The following LGR5 variants were observed in gnomAD, a reference collection of about 807,000 sequenced individuals.
LGR5 encodes leucine-rich repeat-containing G protein-coupled receptor 5.
A neutral mutation model predicts 76.7 loss-of-function variants in LGR5; 54 were observed. The observed-to-expected ratio is 0.70, with a 90% CI of 0.57 to 0.88. The LOEUF (loss-of-function observed/expected upper bound fraction) is 0.88. Ranked by LOEUF, LGR5 falls within the 40% of genes least tolerant of loss-of-function variation. The probability of loss-of-function intolerance (pLI) is 0.00; values close to 1 mark genes in which losing one functional copy is unlikely to be tolerated. For synonymous variants in LGR5, 406 were observed against 421.9 expected (o/e 0.96, Z 0.46); for missense variants, 1,078 against 1,073.3 (o/e 1.00, Z -0.06).
chr12:71,568,106 G>C (rs549712605), intron 11 of LGR5, among the ~76,000 whole-genome samples: 1 of 152,242 alleles, frequency 6.6e-6, no homozygotes, highest in African/African-American at 2.4e-5. Context: ...TATATGATTA[G>C]GATTTTACAT....
chr12:71,529,818 T>C (rs1455756856), intron 3 of LGR5, among the ~76,000 whole-genome samples: 1 of 151,960 alleles, frequency 6.6e-6, no homozygotes, highest in Non-Finnish European at 1.5e-5. Flanking sequence ...TAGCTAGGTG[T>C]CATGGTGCAC....
chr12:71,531,040 A>G (rs989359170), intron 3 of LGR5, among the ~76,000 whole-genome samples: 1 of 151,118 alleles, frequency 6.6e-6, no homozygotes, highest in Non-Finnish European at 1.5e-5. Flanking sequence ...AAAATTGTGT[A>G]GAGTAGCATG....
At chr12:71,457,756 G>T (rs1872543601) in intron 1 of LGR5, among the ~76,000 whole-genome samples, 1 of 152,114 alleles carries the variant, frequency 6.6e-6, no homozygotes, top group Non-Finnish European at 1.5e-5. Flanking sequence ...CTAAAGCATT[G>T]TTGGTTTTTC....
chr12:71,516,628 T>A (rs1035505809), intron 2 of LGR5, among the ~76,000 whole-genome samples: 4 of 152,162 alleles, frequency 2.6e-5, no homozygotes, highest in Admixed American at 6.5e-5. Flanking sequence ...CTACAAAATA[T>A]AAAATAAAAT....
intron 1 of LGR5, among the ~76,000 whole-genome samples, chr12:71,483,516 C>T (rs1565680387): frequency 6.6e-6 from 1 of 152,118 alleles, no homozygotes; most frequent in Non-Finnish European, 1.5e-5. Flanking sequence ...AATGATCACA[C>T]AAAGAACCTG....
chr12:71,536,116 C>T (rs761983682), intron 4 of LGR5, among the ~76,000 whole-genome samples: 1 of 152,138 alleles, frequency 6.6e-6, no homozygotes, highest in Non-Finnish European at 1.5e-5. Flanking sequence ...TGGAGATGCA[C>T]ATCTGCCAAA....
At chr12:71,502,687 C>T (rs919494017) in intron 1 of LGR5, among the ~76,000 whole-genome samples, 1 of 152,216 alleles carries the variant, frequency 6.6e-6, no homozygotes, top group African/African-American at 2.4e-5. Flanking sequence ...CCAAGATGCT[C>T]TTCTCAGGCT....
chr12:71,584,270 G>C lies in LGR5; in HGVS notation c.2260G>C (p.Gly754Arg). 1.2e-6 allele frequency: 2 copies of C among 1,614,156 alleles called. No homozygotes were observed. The highest frequency in any genetic ancestry group is 1.7e-6 in the Non-Finnish European group (2 of 1,180,014). The change falls in exon 18 of 18, where the codon GGA becomes CGA. Residue 754 changes from glycine to arginine, a missense_variant. Gly to Arg is a moderately radical substitution (Grantham distance 125). Coordinates refer to ENST00000266674, the MANE Select transcript of LGR5 (RefSeq NM_003667.4). ...YTKLYCNLDK[G>R]DLENIWDCSM... The stretch of plus-strand genomic sequence containing the variant: ...CAAGCTCTACTGCAATTTGGACAAG[G>C]GAGACCTGGAGAATATTTGGGACTG...
intron 2 of LGR5, among the ~76,000 whole-genome samples, chr12:71,514,034 C>T (rs917472571): frequency 6.6e-6 from 1 of 152,122 alleles, no homozygotes; most frequent in South Asian, 2.1e-4. Flanking sequence ...GTAGTCCCAG[C>T]TACCAGAGAG....
intron 13 of LGR5, among the ~76,000 whole-genome samples, chr12:71,575,722 A>ATATATGTG (rs1555176199): frequency 4.8e-5 from 7 of 144,760 alleles, no homozygotes; most frequent in African/African-American, 1.8e-4. Flanking sequence ...AAAAATATAT[A>ATATATGTG]TGTGTGTGTG....
chr12:71,542,821 CA>C (rs1349043379), intron 4 of LGR5, among the ~76,000 whole-genome samples: 1 of 150,430 alleles, frequency 6.6e-6, no homozygotes, highest in Admixed American at 6.6e-5. Context: ...TGAGGAGGAA[CA>C]ACTAAGTAGA....
Position 71,584,670 on chromosome 12 carries a change from C to A in LGR5, c.2660C>A (p.Ser887Ter). The stretch of plus-strand genomic sequence containing the variant: ...GACCTGCCTCCCAGTTCCGTGCCAT[C>A]ACCAGCTTATCCAGTGACTGAGAGC... Reference protein sequence around the residue: ...TYDLPPSSVPSPAYPVTESCH... With the variant: ...TYDLPPSSVP The change falls in exon 18 of 18, where the codon TCA becomes TAA. Residue 887 changes from serine (S) to a stop codon, truncating the protein, a stop_gained. Coordinates refer to ENST00000266674, the MANE Select transcript of LGR5 (RefSeq NM_003667.4). LOFTEE classifies it high-confidence loss of function. The A allele has an allele frequency of 3.1e-6, 5 of 1,614,184 alleles. No homozygotes were observed. The highest frequency in any genetic ancestry group is 4.2e-6 in the Non-Finnish European group (5 of 1,179,988).
intron 1 of LGR5, among the ~76,000 whole-genome samples, chr12:71,475,595 C>T (rs1004761204): frequency 1.3e-5 from 2 of 152,224 alleles, no homozygotes; most frequent in East Asian, 1.9e-4. Context: ...TGCTGCGACG[C>T]TCTTGTACAT....
intron 2 of LGR5, among the ~76,000 whole-genome samples, chr12:71,510,502 C>T (rs1246142089): frequency 1.3e-5 from 2 of 152,180 alleles, no homozygotes; most frequent in Non-Finnish European, 2.9e-5. Context: ...TTCCACTTAA[C>T]TTTATTGTCT....
intron 1 of LGR5, among the ~76,000 whole-genome samples, chr12:71,468,964 A>G (rs1324883309): frequency 1.3e-5 from 2 of 152,164 alleles, no homozygotes; most frequent in African/African-American, 2.4e-5. Flanking sequence ...TAGCCCCCCA[A>G]ATATTAAAAG....
At chr12:71,563,752 A>G (rs1161534336) in intron 8 of LGR5, among the ~76,000 whole-genome samples, 1 of 152,122 alleles carries the variant, frequency 6.6e-6, no homozygotes, top group Non-Finnish European at 1.5e-5. Context: ...TCTCCCGAAC[A>G]TATGAGAGAG....
At chr12:71,446,212 C>T (rs1256958027) in intron 1 of LGR5, among the ~76,000 whole-genome samples, 3 of 152,180 alleles carry the variant, frequency 2.0e-5, no homozygotes, top group Non-Finnish European at 4.4e-5. Flanking sequence ...TACTAGTCCG[C>T]AAGTACAAAC....
chr12:71,565,383 A>T (rs1165622597), intron 8 of LGR5, among the ~76,000 whole-genome samples: 5 of 150,072 alleles, frequency 3.3e-5, no homozygotes, highest in Non-Finnish European at 7.4e-5. Flanking sequence ...TAGTATCTAC[A>T]CTATGAATCT....
At position 71,556,669 on chromosome 12, in the gene LGR5, G is replaced by C; in HGVS notation, c.695G>C (p.Gly232Ala). 6.2e-7 allele frequency: 1 copy of C among 1,611,476 alleles called. No individual in the cohort carries two copies. The highest frequency in any genetic ancestry group is 8.5e-7 in the Non-Finnish European group (1 of 1,177,682). Residue 232 changes from glycine (G) to alanine (A), a missense_variant, in exon 6 of 18, where the codon GGG becomes GCG. By Grantham distance (60) the Gly-to-Ala change is moderately conservative. Coordinates refer to ENST00000266674, the MANE Select transcript of LGR5 (RefSeq NM_003667.4). ...IHSLGKKCFDGLHSLETLDLN... is the reference protein window; with the variant it reads ...IHSLGKKCFDALHSLETLDLN... ...TCCCTGGGAAAGAAATGCTTTGATG[G>C]GCTCCACAGCCTAGAGACTTTGTGA...
Sources: allele counts gnomAD v4.1 joint callset (sites outside exome capture counted in the v4.1 genomes callset), GRCh38; gene constraint gnomAD v4.1.1; transcripts MANE v1.5; gene names NCBI Gene and HGNC (gene_info 2026-07-23, HGNC 2026-07-21).